The following GRIK4 variants were observed in gnomAD, a reference collection of about 807,000 sequenced individuals.
GRIK4 encodes the protein glutamate ionotropic receptor kainate type subunit 4, also known as glutamate receptor ionotropic, kainate 4.
A neutral mutation model predicts 104.9 loss-of-function variants in GRIK4; 40 were observed. That is an observed-to-expected ratio of 0.38 (90% CI 0.30 to 0.50). GRIK4 has a LOEUF of 0.50. Ranked by LOEUF, GRIK4 falls within the 20% of genes least tolerant of loss-of-function variation. The pLI is 0.93. For synonymous variants in GRIK4, 485 were observed against 524.9 expected (o/e 0.92, Z 1.04); for missense variants, 1,047 against 1,308.1 (o/e 0.80, Z 3.08).
At chr11:120,546,727 T>C (rs1948088747) in intron 1 of GRIK4, among the ~76,000 whole-genome samples, 1 of 152,198 alleles carries the variant, frequency 6.6e-6, no homozygotes, top group African/African-American at 2.4e-5. Flanking sequence ...TTATTTAGTA[T>C]GTCACTCCCG....
chr11:120,921,239 G>A (rs1036117345), intron 13 of GRIK4, among the ~76,000 whole-genome samples: 5 of 152,218 alleles, frequency 3.3e-5, no homozygotes, highest in Admixed American at 1.3e-4. Context: ...GACTGTCTCC[G>A]CTCACTAGAA....
chr11:120,929,022 CAT>C (rs72400411), intron 13 of GRIK4, among the ~76,000 whole-genome samples: 40,845 of 148,874 alleles, frequency 0.27, 5,730 homozygotes, highest in East Asian at 0.38. Flanking sequence ...TGTGTGCGCA[CAT>C]GTGTGTGTGT....
At chr11:120,710,514 C>T (rs1214903242) in intron 3 of GRIK4, among the ~76,000 whole-genome samples, 1 of 152,196 alleles carries the variant, frequency 6.6e-6, no homozygotes, top group Non-Finnish European at 1.5e-5. Flanking sequence ...GTGGGCATAA[C>T]GGCCCCCCCA....
intron 1 of GRIK4, among the ~76,000 whole-genome samples, chr11:120,525,624 C>T (rs1041798380): frequency 7.9e-5 from 12 of 152,168 alleles, no homozygotes; most frequent in African/African-American, 1.9e-4. Context: ...CAAGGTTAGC[C>T]GCGTGCTACG....
chr11:120,583,988 T>C (rs1487240599), intron 1 of GRIK4, among the ~76,000 whole-genome samples: 1 of 152,236 alleles, frequency 6.6e-6, no homozygotes, highest in Admixed American at 6.5e-5. Flanking sequence ...GTGAATAGAA[T>C]CGTACTCTTG....
At chr11:120,619,093 C>G (rs988447285) in intron 1 of GRIK4, among the ~76,000 whole-genome samples, 1 of 152,200 alleles carries the variant, frequency 6.6e-6, no homozygotes, top group Non-Finnish European at 1.5e-5. Context: ...GGGGGCTGAA[C>G]CCTGCAGAGC....
At chr11:120,966,710 CCTGA>C (rs1231016587) in intron 18 of GRIK4, among the ~76,000 whole-genome samples, 2 of 152,046 alleles carry the variant, frequency 1.3e-5, no homozygotes, top group Non-Finnish European at 2.9e-5. Context: ...ATTGGACACA[CCTGA>C]CTAAAAGGTT....
chr11:120,638,890 A>G (rs1359216694), intron 1 of GRIK4, among the ~76,000 whole-genome samples: 1 of 152,074 alleles, frequency 6.6e-6, no homozygotes, highest in Non-Finnish European at 1.5e-5. Context: ...TTGACCTTAC[A>G]AGAGCAGGGG....
chr11:120,925,904 G>A (rs1943333546), intron 13 of GRIK4, among the ~76,000 whole-genome samples: 2 of 151,712 alleles, frequency 1.3e-5, no homozygotes, highest in South Asian at 4.2e-4. Flanking sequence ...ACCCCAGGAG[G>A]TGGAGGTTTC....
intron 1 of GRIK4, among the ~76,000 whole-genome samples, chr11:120,545,433 T>C (rs1418915050): frequency 6.6e-6 from 1 of 152,220 alleles, no homozygotes; most frequent in African/African-American, 2.4e-5. Flanking sequence ...AATCCTACCA[T>C]GTAGCCCACT....
At chr11:120,530,179 C>T (rs1947907697) in intron 1 of GRIK4, among the ~76,000 whole-genome samples, 1 of 152,236 alleles carries the variant, frequency 6.6e-6, no homozygotes, top group Admixed American at 6.5e-5. Context: ...GGTCCCAGGA[C>T]ATGTAGGGCT....
chr11:120,681,595 C>T (rs562401695), intron 3 of GRIK4, among the ~76,000 whole-genome samples: 1 of 152,328 alleles, frequency 6.6e-6, no homozygotes, highest in South Asian at 2.1e-4. Context: ...TTGATGCATT[C>T]GGTGAGGCAC....
At chr11:120,762,047 C>A (rs998775292) in intron 3 of GRIK4, among the ~76,000 whole-genome samples, 2 of 152,106 alleles carry the variant, frequency 1.3e-5, no homozygotes, top group African/African-American at 4.8e-5. Context: ...GGTAGTATGG[C>A]CATTTTCATG....
chr11:120,785,142 G>C (rs1565350388), intron 3 of GRIK4, among the ~76,000 whole-genome samples: 1 of 152,128 alleles, frequency 6.6e-6, no homozygotes, highest in African/African-American at 2.4e-5. Context: ...CATTAGACAA[G>C]ACAAATGGGC....
At chr11:120,755,690 A>G (rs866882388) in intron 3 of GRIK4, among the ~76,000 whole-genome samples, 23 of 151,818 alleles carry the variant, frequency 1.5e-4, no homozygotes, top group Middle Eastern at 6.4e-3. Flanking sequence ...CAAATCAACA[A>G]TGAAAACTAT....
intron 3 of GRIK4, among the ~76,000 whole-genome samples, chr11:120,680,083 C>T (rs950440899): frequency 4.6e-5 from 7 of 151,994 alleles, no homozygotes; most frequent in Non-Finnish European, 7.4e-5. Context: ...CTCTGATGGC[C>T]CTTTCTTTTC....
chr11:120,584,452 A>C (rs1948631250), intron 1 of GRIK4, among the ~76,000 whole-genome samples: 1 of 152,218 alleles, frequency 6.6e-6, no homozygotes, highest in South Asian at 2.1e-4. Flanking sequence ...TCATGGTGGA[A>C]GGTGAAGAGG....
rs563182644 is a variant in GRIK4, at chr11:120,984,122, T to C, written c.2515-1782T>C. Among the ~76,000 whole-genome samples the C allele has an allele frequency of 5.3e-5, 8 of 152,308 alleles. No individual in the cohort carries two copies. The East Asian group carries it at 1.5e-3, about 29-fold the overall frequency. On this transcript the variant is annotated intron_variant, in intron 20 of 20. Coordinates refer to ENST00000527524, the MANE Select transcript of GRIK4 (RefSeq NM_014619.5). ...TGTTATTCTCCCCAAAGCTCACCCA[T>C]GGTCTGGAAGTATATTGAAAAATTC...
At chr11:120,515,010 C>G in intron 1 of GRIK4, 1 of 456,726 alleles carries the variant, frequency 2.2e-6, no homozygotes, top group Non-Finnish European at 4.4e-6. Context: ...ACAGGGGACC[C>G]TGTCTCAGCA....
Sources: allele counts gnomAD v4.1 joint callset (sites outside exome capture counted in the v4.1 genomes callset), GRCh38; gene constraint gnomAD v4.1.1; transcripts MANE v1.5; gene names NCBI Gene and HGNC (gene_info 2026-07-23, HGNC 2026-07-21).